CCDC171: variants seen among roughly 807,000 people sequenced by gnomAD.
The protein encoded by CCDC171 is coiled-coil domain containing 171.
Under a neutral mutation model 168.2 loss-of-function variants are expected in CCDC171, and 177 were observed. That is an observed-to-expected ratio of 1.05 (90% CI 0.93 to 1.19). CCDC171 has a LOEUF of 1.19. Among genes scored for constraint, CCDC171 ranks in the 50% most tolerant of loss-of-function variants. CCDC171 has a pLI of 0.00. For missense variants in CCDC171, 1,991 were observed against 1,539.0 expected (o/e 1.29, Z -4.91); for synonymous variants, 687 against 540.8 (o/e 1.27, Z -3.75).
chr9:15,808,266 G>T (rs570479203), intron 21 of CCDC171, among the ~76,000 whole-genome samples: 8 of 152,282 alleles, frequency 5.3e-5, no homozygotes, highest in African/African-American at 1.7e-4. Flanking sequence ...TGGAATGCTA[G>T]ATAGAAATAC....
chr9:15,826,153 T>C (rs2060002369), intron 21 of CCDC171, among the ~76,000 whole-genome samples: 1 of 152,116 alleles, frequency 6.6e-6, no homozygotes, highest in Admixed American at 6.6e-5. Flanking sequence ...AGAATTGCTT[T>C]TAATTTCTCA....
At chr9:15,838,787 T>A (rs2060557097) in intron 21 of CCDC171, among the ~76,000 whole-genome samples, 1 of 152,180 alleles carries the variant, frequency 6.6e-6, no homozygotes, top group Non-Finnish European at 1.5e-5. Context: ...CATAAGTGTC[T>A]TCTTACATAG....
intron 3 of CCDC171, among the ~76,000 whole-genome samples, chr9:16,005,921 AT>A (rs1564114895): frequency 6.6e-6 from 1 of 151,302 alleles, no homozygotes. Context: ...TTTTTATTTT[AT>A]TTTTTGAGAT....
At chr9:15,613,359 A>T (rs1283151953) in intron 6 of CCDC171, among the ~76,000 whole-genome samples, 1 of 152,170 alleles carries the variant, frequency 6.6e-6, no homozygotes, top group Non-Finnish European at 1.5e-5. Flanking sequence ...ATTGATATAA[A>T]TGAGTTAAGT....
intron 8 of CCDC171, among the ~76,000 whole-genome samples, chr9:15,657,494 T>C (rs2132957869): frequency 6.6e-6 from 1 of 152,146 alleles, no homozygotes; most frequent in African/African-American, 2.4e-5. Context: ...CAGAGTGGAG[T>C]AGTTGTGACA....
intron 21 of CCDC171, among the ~76,000 whole-genome samples, chr9:15,794,538 C>T (rs560581603): frequency 7.6e-4 from 110 of 145,512 alleles, no homozygotes; most frequent in African/African-American, 2.8e-3. Flanking sequence ...GTTTATGCAT[C>T]TATTTAGATA....
At chr9:15,803,176 T>C (rs1431113133) in intron 21 of CCDC171, among the ~76,000 whole-genome samples, 1 of 152,148 alleles carries the variant, frequency 6.6e-6, no homozygotes, top group African/African-American at 2.4e-5. Context: ...GTCAGATGCA[T>C]AGAATTGCAA....
intron 24 of CCDC171, among the ~76,000 whole-genome samples, chr9:15,877,654 C>T (rs1458724386): frequency 6.6e-6 from 1 of 152,004 alleles, no homozygotes; most frequent in Non-Finnish European, 1.5e-5. Context: ...AGCAAATAGG[C>T]TTTCATTATA....
At position 15,562,367 on chromosome 9, in the gene CCDC171, A is replaced by G. The variant is rs148099562; in HGVS notation, c.-111-1611A>G. Among the ~76,000 whole-genome samples the G allele has an allele frequency of 3.5e-4, 54 of 152,210 alleles. No individual in the cohort carries two copies. The East Asian group carries it at 9.8e-3, about 28-fold the overall frequency. On this transcript the variant is annotated intron_variant, in intron 1 of 25. Coordinates refer to ENST00000380701, the MANE Select transcript of CCDC171 (RefSeq NM_173550.4). ...TAAGATAAAAGTCTTATATAATGTA[A>G]TCATAAGAGTGGCATCCCTTCATCT... is the stretch of plus-strand genomic sequence containing the variant.
At chr9:15,982,123 A>C (rs1438591881) in intron 3 of CCDC171, among the ~76,000 whole-genome samples, 1 of 152,194 alleles carries the variant, frequency 6.6e-6, no homozygotes, top group Non-Finnish European at 1.5e-5. Context: ...AGCATACTGA[A>C]GGCTGATGTA....
At chr9:15,638,734 C>T (rs1026344661) in intron 7 of CCDC171, among the ~76,000 whole-genome samples, 1 of 151,548 alleles carries the variant, frequency 6.6e-6, no homozygotes, top group Non-Finnish European at 1.5e-5. Context: ...TCTTAATCAT[C>T]TTAACATGGA....
chr9:15,767,153 C>A (rs1461646571), intron 18 of CCDC171, among the ~76,000 whole-genome samples: 10 of 152,188 alleles, frequency 6.6e-5, no homozygotes, highest in African/African-American at 2.4e-4. Context: ...TTGTCACAAT[C>A]TGTGGCTAAA....
intron 21 of CCDC171, among the ~76,000 whole-genome samples, chr9:15,797,018 A>G (rs371769156): frequency 6.6e-6 from 1 of 152,338 alleles, no homozygotes; most frequent in South Asian, 2.1e-4. Context: ...GCACTGTACG[A>G]AAGTTCCATT....
At chr9:15,769,469 A>G (rs923147026) in intron 18 of CCDC171, among the ~76,000 whole-genome samples, 1 of 152,248 alleles carries the variant, frequency 6.6e-6, no homozygotes, top group Admixed American at 6.5e-5. Flanking sequence ...TTGTTTCACT[A>G]TCTGCCAACA....
At chr9:15,876,713 G>T (rs779604848) in intron 24 of CCDC171, among the ~76,000 whole-genome samples, 1 of 151,924 alleles carries the variant, frequency 6.6e-6, no homozygotes, top group Non-Finnish European at 1.5e-5. Context: ...CTAATTATGG[G>T]CTAATAGTAT....
intron 18 of CCDC171, among the ~76,000 whole-genome samples, chr9:15,763,424 T>A (rs1043883423): frequency 6.6e-6 from 1 of 152,212 alleles, no homozygotes; most frequent in Non-Finnish European, 1.5e-5. Context: ...AAGCCCCAAC[T>A]TGCTAATCAT....
At chr9:15,663,440 C>G (rs916278057) in intron 8 of CCDC171, among the ~76,000 whole-genome samples, 34 of 151,860 alleles carry the variant, frequency 2.2e-4, no homozygotes, top group African/African-American at 6.3e-4. Context: ...CTTGTCCCTC[C>G]CATTCCTCTA....
chr9:15,922,734 T>C (rs1034178609), intron 25 of CCDC171, among the ~76,000 whole-genome samples: 10 of 151,610 alleles, frequency 6.6e-5, no homozygotes, highest in African/African-American at 2.2e-4. Flanking sequence ...CCAACACTTA[T>C]CTTTTGTTTT....
At chr9:15,578,476 C>T (rs1210029165) in intron 3 of CCDC171, among the ~76,000 whole-genome samples, 2 of 149,262 alleles carry the variant, frequency 1.3e-5, no homozygotes, top group Admixed American at 6.7e-5. Context: ...GCCCATGTGG[C>T]CCGGGCTGGT....
Sources: allele counts gnomAD v4.1 joint callset (sites outside exome capture counted in the v4.1 genomes callset), GRCh38; gene constraint gnomAD v4.1.1; transcripts MANE v1.5; gene names NCBI Gene and HGNC (gene_info 2026-07-23, HGNC 2026-07-21).